QRFPR: variants seen among roughly 807,000 people sequenced by gnomAD.
QRFPR encodes pyroglutamylated RFamide peptide receptor, also known as pyroglutamylated RF-amide peptide receptor.
In QRFPR, 37 loss-of-function variants were observed where a neutral mutation model predicts 31.3. The observed-to-expected ratio is 1.18, with a 90% CI of 0.91 to 1.56. The LOEUF (loss-of-function observed/expected upper bound fraction) is 1.56. QRFPR is among the 40% of genes most tolerant of loss of function. QRFPR has a pLI of 0.00. For missense variants in QRFPR, 542 were observed against 532.5 expected, an observed-to-expected ratio of 1.02 and a Z score of -0.18; for synonymous variants, 197 against 192.0, an observed-to-expected ratio of 1.03 and a Z score of -0.22.
At chr4:121,354,472 T>A (rs1370421634) in intron 1 of QRFPR, among the ~76,000 whole-genome samples, 1 of 152,040 alleles carries the variant, frequency 6.6e-6, no homozygotes, top group Admixed American at 6.6e-5. Context: ...AGATATTTTT[T>A]AAATTTCAGA....
At chr4:121,372,781 T>C (rs1726276359) in intron 1 of QRFPR, among the ~76,000 whole-genome samples, 1 of 152,240 alleles carries the variant, frequency 6.6e-6, no homozygotes, top group South Asian at 2.1e-4. Context: ...GCCTGAGTGA[T>C]ATTCCACTGT....
intron 1 of QRFPR, among the ~76,000 whole-genome samples, chr4:121,377,414 T>TATA (rs202191502): frequency 2.6e-5 from 1 of 39,088 alleles, no homozygotes; most frequent in Non-Finnish European, 6.6e-5. Context: ...TATATATATA[T>TATA]TTTTTTTTTT....
rs192654183 is a variant in QRFPR at position 121,340,990 on chromosome 4, T to C, written c.341-380A>G. ...GATTGTCTCTTTTCTTTTGGCTTCC[T>C]GGCAAATCACAACAAAGAATAGTTC... On this transcript the variant is annotated intron_variant, in intron 1 of 5. Transcript: ENST00000394427. Among the ~76,000 whole-genome samples the C allele has an allele frequency of 1.3e-3, 204 of 152,338 alleles. 4 individuals carry two copies. Among genetic ancestry groups the C allele is most frequent in the African/African-American group, 4.7e-3 (194 of 41,586 alleles).
intron 1 of QRFPR, among the ~76,000 whole-genome samples, chr4:121,376,770 C>T (rs1448235105): frequency 6.6e-6 from 1 of 152,192 alleles, no homozygotes; most frequent in African/African-American, 2.4e-5. Context: ...TTTTCAAAAG[C>T]CCTTCAGGAG....
chr4:121,333,424 G>A, intron 3 of QRFPR, among the ~76,000 whole-genome samples: 1 of 152,308 alleles, frequency 6.6e-6, no homozygotes, highest in African/African-American at 2.4e-5. Context: ...ATACATGCTA[G>A]GTAGTCTAAT....
At chr4:121,352,223 A>G (rs1322359031) in intron 1 of QRFPR, among the ~76,000 whole-genome samples, 2 of 152,162 alleles carry the variant, frequency 1.3e-5, no homozygotes, top group African/African-American at 4.8e-5. Context: ...ATTATCTAAC[A>G]TAAAAATAAT....
chr4:121,365,383 G>A (rs544264302), intron 1 of QRFPR, among the ~76,000 whole-genome samples: 7 of 139,804 alleles, frequency 5.0e-5, no homozygotes, highest in South Asian at 4.4e-4. Context: ...GAACCTGGGA[G>A]GCAGAGCTTT....
intron 1 of QRFPR, among the ~76,000 whole-genome samples, chr4:121,375,348 T>C (rs1279998937): frequency 6.6e-6 from 1 of 152,184 alleles, no homozygotes; most frequent in East Asian, 1.9e-4. Flanking sequence ...CAAAATGCCC[T>C]GCATTCTCCA....
intron 1 of QRFPR, among the ~76,000 whole-genome samples, chr4:121,342,984 G>A (rs1314437175): frequency 6.6e-6 from 1 of 152,154 alleles, no homozygotes; most frequent in Admixed American, 6.6e-5. Context: ...GTCTTTCCTA[G>A]TTGTCGCAGC....
chr4:121,344,373 C>T (rs1007121344), intron 1 of QRFPR, among the ~76,000 whole-genome samples: 1 of 152,160 alleles, frequency 6.6e-6, no homozygotes, highest in South Asian at 2.1e-4. Context: ...TTTAATAACC[C>T]ACCTGTGAAT....
intron 1 of QRFPR, among the ~76,000 whole-genome samples, chr4:121,379,922 A>C (rs1292911265): frequency 2.0e-5 from 3 of 151,914 alleles, no homozygotes; most frequent in African/African-American, 7.3e-5. Flanking sequence ...AGGGGAGAAA[A>C]ACCTGGTAAT....
chr4:121,341,278 T>A (rs961582437), intron 1 of QRFPR, among the ~76,000 whole-genome samples: 1 of 152,210 alleles, frequency 6.6e-6, no homozygotes, highest in Admixed American at 6.5e-5. Flanking sequence ...CATTTGGATT[T>A]GTGAGTCTTG....
intron 2 of QRFPR, among the ~76,000 whole-genome samples, chr4:121,338,289 A>G (rs561251051): frequency 2.0e-5 from 3 of 152,226 alleles, no homozygotes; most frequent in South Asian, 2.1e-4. Flanking sequence ...AATTGAGTCT[A>G]ATTTTCATAG....
chr4:121,353,477 G>T (rs1049951386), intron 1 of QRFPR, among the ~76,000 whole-genome samples: 1 of 151,996 alleles, frequency 6.6e-6, no homozygotes, highest in African/African-American at 2.4e-5. Flanking sequence ...GTGATGTTGA[G>T]CATTTTTTTC....
chr4:121,369,601 C>T, intron 1 of QRFPR: 3 of 1,611,318 alleles, frequency 1.9e-6, no homozygotes, highest in South Asian at 2.2e-5. Flanking sequence ...TTGGAGAGGG[C>T]TTCTGGGCTC....
chr4:121,361,817 G>A (rs17372524), intron 1 of QRFPR, among the ~76,000 whole-genome samples: 40,965 of 149,520 alleles, frequency 0.27, 7,803 homozygotes, highest in Non-Finnish European at 0.36. Context: ...ATGACAACTT[G>A]ACCTAATGAC....
chr4:121,372,923 T>C (rs1726279347), intron 1 of QRFPR, among the ~76,000 whole-genome samples: 1 of 152,142 alleles, frequency 6.6e-6, no homozygotes, highest in Non-Finnish European at 1.5e-5. Context: ...AAGACAGCTC[T>C]AGAATGAAAC....
chr4:121,343,134 G>T lies in QRFPR; in HGVS notation c.341-2524C>A, dbSNP rs568139155. ...GGCTTGGCCAAGGCAGAAACTGTGG[G>T]ACTGTATCGGCTCCCCAAGTCTGAA... On this transcript the variant is annotated intron_variant, in intron 1 of 5. Coordinates refer to ENST00000394427, the MANE Select transcript of QRFPR (RefSeq NM_198179.3). 6.7e-4 allele frequency among the ~76,000 whole-genome samples: 102 copies of T among 152,306 alleles called. 1 individual carries two copies. In the South Asian group the frequency reaches 0.021, roughly 31 times the overall value.
chr4:121,362,819 T>C (rs1016021366), intron 1 of QRFPR, among the ~76,000 whole-genome samples: 3 of 150,356 alleles, frequency 2.0e-5, no homozygotes, highest in African/African-American at 7.4e-5. Flanking sequence ...AAAAGAAGTC[T>C]GCCTAGGATA....
Sources: gnomAD v4.1 joint callset for allele counts (sites outside exome capture counted in the v4.1 genomes callset) on GRCh38, gnomAD v4.1.1 for gene constraint, MANE v1.5 for transcripts, NCBI Gene and HGNC (gene_info 2026-07-23, HGNC 2026-07-21) for gene names.